HERC4: variants seen among roughly 807,000 people sequenced by gnomAD.
HERC4 encodes probable E3 ubiquitin-protein ligase HERC4.
A neutral mutation model predicts 124.3 loss-of-function variants in HERC4; 28 were observed. That is an observed-to-expected ratio of 0.23 (90% CI 0.17 to 0.31). The LOEUF is 0.31. HERC4 is among the 10% of genes least tolerant of loss of function. The pLI is 1.00. For missense variants in HERC4, 713 were observed against 1,229.3 expected (o/e 0.58, Z 6.28); for synonymous variants, 407 against 421.5 (o/e 0.97, Z 0.42).
At chr10:67,965,415 C>A (rs767081670) in intron 16 of HERC4, 1 of 152,114 alleles carries the variant, frequency 6.6e-6, no homozygotes, top group Non-Finnish European at 1.5e-5. Context: ...ATAACAGATT[C>A]TCATTGTTTG....
At chr10:67,978,212 G>A (rs1205594259) in intron 15 of HERC4, among the ~76,000 whole-genome samples, 2 of 152,164 alleles carry the variant, frequency 1.3e-5, no homozygotes, top group Non-Finnish European at 2.9e-5. Context: ...GGAGATGGAG[G>A]AGCTGAGATT....
At chr10:67,966,911 G>C (rs983100525) in intron 15 of HERC4, 109 bp from the exon 16 acceptor site, 2 of 733,286 alleles carry the variant, frequency 2.7e-6, no homozygotes, top group Non-Finnish European at 4.0e-6. Flanking sequence ...CTGGAGTGCA[G>C]TGGCACAATC....
At chr10:67,998,151 C>T (rs1009933121) in intron 9 of HERC4, among the ~76,000 whole-genome samples, 1 of 151,410 alleles carries the variant, frequency 6.6e-6, no homozygotes, top group East Asian at 2.0e-4. Context: ...CCTGCCTCGG[C>T]CTCCCAAAGT....
At chr10:68,016,074 G>A (rs1354312100) in intron 8 of HERC4, among the ~76,000 whole-genome samples, 3 of 152,094 alleles carry the variant, frequency 2.0e-5, no homozygotes, top group African/African-American at 7.2e-5. Flanking sequence ...CCACACTCCA[G>A]CCTGGGCAAC....
intron 3 of HERC4, among the ~76,000 whole-genome samples, chr10:68,070,917 C>T (rs2041543861): frequency 6.6e-6 from 1 of 152,170 alleles, no homozygotes; most frequent in African/African-American, 2.4e-5. Flanking sequence ...TTAATTCTAT[C>T]CCATAATATT....
intron 11 of HERC4, 137 bp downstream of exon 11, chr10:67,992,062 C>A (rs944018997): frequency 2.2e-5 from 16 of 713,584 alleles, no homozygotes; most frequent in Admixed American, 8.5e-5. Context: ...CCACGCCCAG[C>A]TAATTGTATT....
intron 3 of HERC4, among the ~76,000 whole-genome samples, chr10:68,046,529 G>GGA (rs375326411): frequency 2.6e-5 from 4 of 151,972 alleles, no homozygotes; most frequent in African/African-American, 7.2e-5. Context: ...TCCAAGCACT[G>GGA]GAGAGAGAGA....
intron 15 of HERC4, among the ~76,000 whole-genome samples, chr10:67,984,047 A>G (rs1295388248): frequency 6.6e-6 from 1 of 152,056 alleles, no homozygotes; most frequent in African/African-American, 2.4e-5. Flanking sequence ...CACGCCCGTA[A>G]TCCCAACAGT....
chr10:67,927,396 A>T (rs1564910303), intron 23 of HERC4, among the ~76,000 whole-genome samples: 1 of 5,234 alleles, frequency 1.9e-4, no homozygotes, highest in Admixed American at 1.7e-3. Context: ...ATATATATAT[A>T]TATATATATA....
chr10:67,985,514 GA>G (rs2036208170), intron 15 of HERC4, among the ~76,000 whole-genome samples: 1 of 152,164 alleles, frequency 6.6e-6, no homozygotes, highest in Non-Finnish European at 1.5e-5. Flanking sequence ...TGGTTATGGT[GA>G]GTATGTTTTA....
At chr10:67,931,072 G>C (rs1451919357) in intron 23 of HERC4, among the ~76,000 whole-genome samples, 1 of 152,006 alleles carries the variant, frequency 6.6e-6, no homozygotes, top group East Asian at 1.9e-4. Flanking sequence ...TGAACCCTCC[G>C]CTTCCCGGGT....
chr10:68,014,975 T>G (rs553767913), intron 8 of HERC4, among the ~76,000 whole-genome samples: 2 of 152,358 alleles, frequency 1.3e-5, no homozygotes, highest in East Asian at 3.9e-4. Context: ...TGTGGCATAT[T>G]GTTTATAAAA....
chr10:68,020,586 G>A (rs969933338), intron 8 of HERC4, among the ~76,000 whole-genome samples: 3 of 151,950 alleles, frequency 2.0e-5, no homozygotes, highest in East Asian at 3.9e-4. Context: ...CTAAAAAAAC[G>A]GTGAAACCCC....
At chr10:68,036,270 A>C (rs1286642142) in intron 5 of HERC4, among the ~76,000 whole-genome samples, 1 of 151,656 alleles carries the variant, frequency 6.6e-6, no homozygotes, top group African/African-American at 2.4e-5. Context: ...GTGAGCCGAG[A>C]TCATGCCACT....
At chr10:67,949,271 G>C (rs1459062904) in intron 19 of HERC4, among the ~76,000 whole-genome samples, 1 of 151,882 alleles carries the variant, frequency 6.6e-6, no homozygotes, top group Non-Finnish European at 1.5e-5. Flanking sequence ...GTGACAAAGT[G>C]AGACTCTGTC....
chr10:67,928,106 G>A (rs1408365791), intron 23 of HERC4, among the ~76,000 whole-genome samples: 1 of 152,142 alleles, frequency 6.6e-6, no homozygotes, highest in Non-Finnish European at 1.5e-5. Context: ...CTTGGAAAAG[G>A]AAACAAACGC....
chr10:68,008,357 G>A (rs2037715594), intron 9 of HERC4, among the ~76,000 whole-genome samples: 1 of 152,178 alleles, frequency 6.6e-6, no homozygotes, highest in Non-Finnish European at 1.5e-5. Flanking sequence ...GATAAATCCT[G>A]TCAGGCCTGG....
intron 16 of HERC4, chr10:67,960,646 G>C (rs1220681414): frequency 5.6e-5 from 9 of 161,090 alleles, no homozygotes; most frequent in Non-Finnish European, 1.2e-4. Flanking sequence ...GCCTCCCAAA[G>C]TGCTGGGATT....
chr10:67,939,442 G>C, intron 21 of HERC4, 146 bp downstream of exon 21: 1 of 570,398 alleles, frequency 1.8e-6, no homozygotes, highest in Non-Finnish European at 3.1e-6. Context: ...ACTATGACTA[G>C]CTAGCATGTA....
Sources: allele counts gnomAD v4.1 joint callset (sites outside exome capture counted in the v4.1 genomes callset), GRCh38; gene constraint gnomAD v4.1.1; transcripts MANE v1.5; gene names NCBI Gene and HGNC (gene_info 2026-07-23, HGNC 2026-07-21).